GOLGA8A: variants seen among roughly 807,000 people sequenced by gnomAD.
GOLGA8A encodes the protein golgin subfamily A member 8A.
GOLGA8A carries 3 observed loss-of-function variants against 22.1 expected under a neutral mutation model. That is an observed-to-expected ratio of 0.14 (90% confidence interval 0.06 to 0.35). GOLGA8A has a LOEUF of 0.35. Ranked by LOEUF, GOLGA8A falls within the 10% of genes least tolerant of loss-of-function variation. The pLI is 1.00. For missense variants in GOLGA8A, 16 were observed against 233.2 expected (o/e 0.07, Z 6.07); for synonymous variants, 7 against 91.7 (o/e 0.08, Z 5.28).
rs3053180 is a variant in GOLGA8A at position 34,411,422 on chromosome 15, ATGTGTGTG to A, written c.-1122-3695_-1122-3688del. 6.7e-3 allele frequency among the ~76,000 whole-genome samples: 661 copies of A among 98,568 alleles called. 71 individuals are homozygous for A. The highest frequency in any genetic ancestry group is 0.026 in the African/African-American group (592 of 22,514). 64.7% of individuals were successfully genotyped at this position (98,568 alleles called of 152,430 possible). On this transcript the variant is annotated intron_variant, in intron 2 of 24. Coordinates refer to ENST00000359187, the MANE Select transcript of GOLGA8A (RefSeq NM_181077.5). ...ATTTTTTTCTGAGAAGAATTCATGA[ATGTGTGTG>A]TGTGTGTGTGTGTGTGTGTGTGTGT... is the stretch of plus-strand genomic sequence containing the variant.
chr15:34,420,789 C>T (rs556839374), intron 2 of GOLGA8A, among the ~76,000 whole-genome samples: 1 of 129,496 alleles, frequency 7.7e-6, no homozygotes, highest in Non-Finnish European at 1.6e-5. Flanking sequence ...GGCTCAGGTG[C>T]CCATTCATTT....
rs74400503 is a variant in GOLGA8A at position 34,430,200 on chromosome 15, C to T, written c.-1123+5183G>A. ...TCTGTGAAAGCTCAAGGGAAAGACACAATCAGGAGTTCTTGGTCTGGAGGG... is the reference window on the plus strand; with the variant it reads ...TCTGTGAAAGCTCAAGGGAAAGACATAATCAGGAGTTCTTGGTCTGGAGGG... On this transcript the variant is annotated intron_variant, in intron 2 of 24. Coordinates refer to ENST00000359187, the MANE Select transcript of GOLGA8A (RefSeq NM_181077.5). 2.0e-5 allele frequency among the ~76,000 whole-genome samples: 3 copies of T among 149,144 alleles called. 1 individual carries two copies. The highest frequency in any genetic ancestry group is 4.5e-5 in the Non-Finnish European group (3 of 67,192).
chr15:34,434,678 G>A (rs1201679048), intron 2 of GOLGA8A, among the ~76,000 whole-genome samples: 4 of 149,148 alleles, frequency 2.7e-5, no homozygotes, highest in African/African-American at 9.9e-5. Context: ...ACCACCCAAG[G>A]GAACAATGAG....
At chr15:34,427,867 C>T (rs1271693446) in intron 2 of GOLGA8A, among the ~76,000 whole-genome samples, 1 of 148,506 alleles carries the variant, frequency 6.7e-6, no homozygotes, top group Non-Finnish European at 1.5e-5. Flanking sequence ...CAGAAAAGGC[C>T]TCTCTTCCTG....
chr15:34,437,457 CCGCGCCG>C lies in GOLGA8A; in HGVS notation c.-1278_-1272del, dbSNP rs1358306907. 3.0e-5 allele frequency: 4 copies of C among 132,346 alleles called. No individual in the cohort carries two copies. The highest frequency in any genetic ancestry group is 6.6e-5 in the Non-Finnish European group (4 of 60,186). The allele number at this position is 132,346 out of a possible 1,614,324, so 8.2% of individuals were successfully genotyped here. ...CGTCCTCGCCGCGCCGCCGTCCTCG[CCGCGCCG>C]CCGTCCTCGCCGCGCCGCCGTCCTC... On this transcript the variant is annotated 5_prime_UTR_variant, in exon 1 of 25. Coordinates refer to ENST00000359187, the MANE Select transcript of GOLGA8A (RefSeq NM_181077.5).
chr15:34,383,704 T>TGG, intron 18 of GOLGA8A, 42 bp downstream of exon 18: 14 of 75,836 alleles, frequency 1.8e-4, no homozygotes, highest in Admixed American at 7.1e-4. Flanking sequence ...AAGTTGTTGG[T>TGG]GGGGGGGGGG....
intron 2 of GOLGA8A, chr15:34,418,804 G>A (rs1167450484): frequency 1.4e-5 from 2 of 147,222 alleles, no homozygotes; most frequent in South Asian, 2.4e-4. Context: ...TGGGTGGCAG[G>A]GGCTACGGAG....
intron 2 of GOLGA8A, chr15:34,418,318 G>A (rs1398030977): frequency 7.2e-6 from 1 of 139,098 alleles, no homozygotes; most frequent in Non-Finnish European, 1.6e-5. Flanking sequence ...TGTCAGTCCT[G>A]GGTATAATTT....
At chr15:34,418,081 T>C (rs1480739031) in intron 2 of GOLGA8A, 1 of 123,046 alleles carries the variant, frequency 8.1e-6, no homozygotes, top group Non-Finnish European at 1.7e-5. Flanking sequence ...TATGTGTTGG[T>C]CTCCAGATTT....
At chr15:34,431,211 A>C (rs1471379802) in intron 2 of GOLGA8A, among the ~76,000 whole-genome samples, 1 of 145,420 alleles carries the variant, frequency 6.9e-6, no homozygotes, top group East Asian at 2.0e-4. Context: ...CAGATACAAC[A>C]GTTCAGAGGA....
chr15:34,400,983 ATCTAGATTCCATTAACATTTCT>A (rs1347595141), intron 5 of GOLGA8A, among the ~76,000 whole-genome samples: 3 of 88,760 alleles, frequency 3.4e-5, no homozygotes, highest in African/African-American at 1.1e-4. Flanking sequence ...ATTACATCTT[ATCTAGATTCCATTAACATTTCT>A]TCTAGATCAC....
rs1318554820 is a variant in GOLGA8A at position 34,429,332 on chromosome 15, A to ACTGCCC, written c.-1123+6045_-1123+6050dup. On this transcript the variant is annotated intron_variant, in intron 2 of 24. Coordinates refer to ENST00000359187, the MANE Select transcript of GOLGA8A (RefSeq NM_181077.5). The stretch of plus-strand genomic sequence containing the variant: ...GCTACCAAGCCCCTAATGGTCAGGA[A>ACTGCCC]CTGCCCCCCAACCCCCATCTCCAGC... Among the ~76,000 whole-genome samples, 7 of 146,128 alleles carry ACTGCCC rather than the reference A, an allele frequency of 4.8e-5. 1 individual carries two copies. The highest frequency in any genetic ancestry group is 1.8e-4 in the African/African-American group (7 of 39,614).
At position 34,428,837 on chromosome 15, in the gene GOLGA8A, G is replaced by GT. The variant is rs1369257995; in HGVS notation, c.-1123+6545dup. The GT allele has an allele frequency of 2.1e-5, 3 of 143,750 alleles. No homozygotes were observed. In the Admixed American group the frequency reaches 2.1e-4, roughly 10 times the overall value. The allele number at this position is 143,750 out of a possible 1,614,324, so 8.9% of individuals were successfully genotyped here. On this transcript the variant is annotated intron_variant, in intron 2 of 24. Transcript: ENST00000359187. Reference sequence around the variant, plus strand: ...CAGCCCATCACCCTGCAGCGCTGCTGTTCCCGCTGCTTCTTGGAGAACAGG... The same window carrying GT: ...CAGCCCATCACCCTGCAGCGCTGCTGTTTCCCGCTGCTTCTTGGAGAACAGG...
intron 2 of GOLGA8A, among the ~76,000 whole-genome samples, chr15:34,431,947 G>A (rs535707061): frequency 1.3e-5 from 2 of 149,010 alleles, no homozygotes; most frequent in African/African-American, 5.0e-5. Flanking sequence ...ATGCATGACA[G>A]TACATATGTA....
At chr15:34,436,357 A>C (rs1262616067) in intron 1 of GOLGA8A, among the ~76,000 whole-genome samples, 1 of 149,810 alleles carries the variant, frequency 6.7e-6, no homozygotes, top group African/African-American at 2.5e-5. Context: ...AGTTTAGCCC[A>C]AAAACAAAGT....
intron 12 of GOLGA8A, among the ~76,000 whole-genome samples, chr15:34,386,176 T>C (rs1891707458): frequency 6.8e-6 from 1 of 147,530 alleles, no homozygotes; most frequent in South Asian, 2.1e-4. Flanking sequence ...CCCTTGGCCC[T>C]GAGCTTTCCA....
At chr15:34,403,087 A>G (rs1251063104) in intron 5 of GOLGA8A, among the ~76,000 whole-genome samples, 1 of 79,486 alleles carries the variant, frequency 1.3e-5, no homozygotes, top group East Asian at 4.7e-4. Flanking sequence ...ATTTCTTATC[A>G]TCTGAAAAAC....
In GOLGA8A at chr15:34,426,293, C is replaced by T. The variant is rs548267922; in HGVS notation, c.-1123+9090G>A. Among the ~76,000 whole-genome samples, 159 of 149,878 alleles carry T rather than the reference C, an allele frequency of 1.1e-3. 11 individuals are homozygous for T. Among genetic ancestry groups the T allele is most frequent in the Middle Eastern group, 3.4e-3 (1 of 294 alleles). ...AAGGGACCATCTCTAAGACACACAG[C>T]TGGTGAGCGGATCGAACTGCAAATC... is the stretch of plus-strand genomic sequence containing the variant. On this transcript the variant is annotated intron_variant, in intron 2 of 24. Coordinates refer to ENST00000359187, the MANE Select transcript of GOLGA8A (RefSeq NM_181077.5).
chr15:34,433,029 G>C (rs911193932), intron 2 of GOLGA8A, among the ~76,000 whole-genome samples: 2 of 149,196 alleles, frequency 1.3e-5, no homozygotes, highest in African/African-American at 4.9e-5. Flanking sequence ...TCTCAAGCCA[G>C]AAGACTGGTC....
Sources: gnomAD v4.1 joint callset for allele counts (sites outside exome capture counted in the v4.1 genomes callset) on GRCh38, gnomAD v4.1.1 for gene constraint, MANE v1.5 for transcripts, NCBI Gene and HGNC (gene_info 2026-07-23, HGNC 2026-07-21) for gene names.